The following MCM3 variants were observed in gnomAD, a reference collection of about 807,000 sequenced individuals.
MCM3 encodes the protein DNA replication licensing factor MCM3.
Under a neutral mutation model 91.3 loss-of-function variants are expected in MCM3, and 59 were observed. The observed-to-expected ratio is 0.65, with a 90% CI of 0.52 to 0.80. The LOEUF (loss-of-function observed/expected upper bound fraction) is 0.80, where lower values mean the gene tolerates loss of function less well. Among genes scored for constraint, MCM3 ranks in the 30% least tolerant of loss-of-function variants. The probability of loss-of-function intolerance (pLI) is 0.00; values close to 1 mark genes in which losing one functional copy is unlikely to be tolerated. For missense variants in MCM3, 919 were observed against 1,035.4 expected (o/e 0.89, Z 1.54); for synonymous variants, 383 against 379.6 (o/e 1.01, Z -0.10).
intron 4 of MCM3, among the ~76,000 whole-genome samples, chr6:52,281,818 T>C (rs1766123422): frequency 3.3e-5 from 5 of 152,198 alleles, no homozygotes; most frequent in Admixed American, 3.3e-4. Context: ...GCACTCCAAC[T>C]TAGGCAACAT....
chr6:52,282,610 C>A (rs1237143174), intron 3 of MCM3, 43 bp downstream of exon 3: 16 of 1,584,584 alleles, frequency 1.0e-5, no homozygotes, highest in Non-Finnish European at 1.4e-5. Flanking sequence ...TCCCCATCTC[C>A]CTGTCTATTC....
At position 52,269,239 on chromosome 6, in the gene MCM3, A is replaced by G; in HGVS notation, c.1828-13T>C. 1 of 1,600,344 alleles carries G rather than the reference A, an allele frequency of 6.2e-7. No individual in the cohort carries two copies. The highest frequency in any genetic ancestry group is 1.1e-5 in the South Asian group (1 of 90,330). The stretch of plus-strand genomic sequence containing the variant: ...TAACTGGAGATGTCTAGGGAAGAAA[A>G]GGGAGGATTGCTTATCCCAAGTCTT... On this transcript the variant is annotated splice_polypyrimidine_tract_variant and intron_variant, in intron 12 of 16. Coordinates refer to ENST00000596288, the MANE Select transcript of MCM3 (RefSeq NM_002388.6).
At chr6:52,272,657 G>GT (rs1294167083) in intron 11 of MCM3, among the ~76,000 whole-genome samples, 1 of 152,170 alleles carries the variant, frequency 6.6e-6, no homozygotes, top group East Asian at 1.9e-4. Flanking sequence ...GGTAGTTTAG[G>GT]CAGAAAGTTT....
intron 12 of MCM3, among the ~76,000 whole-genome samples, chr6:52,271,758 T>C (rs1262451344): frequency 2.0e-5 from 3 of 152,262 alleles, no homozygotes; most frequent in Admixed American, 1.3e-4. Flanking sequence ...TTAGTCATTT[T>C]TTCAAAGTCC....
rs752703712 is a variant in MCM3, at chr6:52,278,843, G to A, written c.778C>T (p.Leu260=). The stretch of plus-strand genomic sequence containing the variant: ...ATCTGCTTAACATTACAGGCAATCA[G>A]GACAGTCCTGGGACAAACAGAATAA... ...GYTSGTFRTV[L]IACNVKQMSK... The change falls in exon 6 of 17, where the codon CTG becomes TTG. Residue 260 remains leucine, a synonymous_variant. Coordinates refer to ENST00000596288, the MANE Select transcript of MCM3 (RefSeq NM_002388.6). 6.2e-6 allele frequency: 10 copies of A among 1,609,256 alleles called. No homozygotes were observed. The highest frequency in any genetic ancestry group is 8.5e-6 in the Non-Finnish European group (10 of 1,176,024).
At chr6:52,273,703 C>T (rs749322943) in intron 10 of MCM3, 39 bp downstream of exon 10, 2 of 1,572,642 alleles carry the variant, frequency 1.3e-6, no homozygotes, top group Non-Finnish European at 8.6e-7. Context: ...CTGTTTAGCG[C>T]CTTTCCATTA....
intron 1 of MCM3, among the ~76,000 whole-genome samples, chr6:52,283,840 A>G (rs1440572052): frequency 6.6e-6 from 1 of 152,242 alleles, no homozygotes; most frequent in African/African-American, 2.4e-5. Context: ...TTCACCATGT[A>G]TATCAAAACA....
rs764691556 is a variant in MCM3, at chr6:52,284,651, G to A, written c.24C>T (p.Asp8=). The change falls in exon 1 of 17, where the codon GAC becomes GAT. Residue 8 remains aspartate, a synonymous_variant. Transcript: ENST00000596288. ...TCTGAGCCTCCCGCAGCTCCACATC[G>A]TCCAGCACCACGGTACCCGCCATGC... MAGTVVL[D]DVELREAQRD... The A allele has an allele frequency of 3.1e-5, 49 of 1,601,988 alleles. 1 individual carries two copies. The highest frequency in any genetic ancestry group is 1.3e-5 in the Non-Finnish European group (15 of 1,175,432).
At position 52,269,222 on chromosome 6, in the gene MCM3, G is replaced by T; in HGVS notation, c.1832C>A (p.Ser611Tyr). The T allele has an allele frequency of 6.2e-7, 1 of 1,607,328 alleles. No homozygotes were observed. Among genetic ancestry groups the T allele is most frequent in the Non-Finnish European group, 8.5e-7 (1 of 1,174,490 alleles). The change falls in exon 13 of 17, where the codon TCT (serine) becomes TAT (tyrosine). Residue 611 changes from serine to tyrosine, a missense_variant. Ser to Tyr is a moderately radical substitution (Grantham distance 144). Transcript: ENST00000596288. ...TTCCAGTGTTCGGGCTGTAACTGGA[G>T]ATGTCTAGGGAAGAAAAGGGAGGAT... ...DSMSSDTART[S>Y]PVTARTLETL... is the part of the protein sequence containing the mutation.
At chr6:52,269,022 G>C in intron 13 of MCM3, 64 bp downstream of exon 13, 1 of 1,521,806 alleles carries the variant, frequency 6.6e-7, no homozygotes, top group Non-Finnish European at 8.9e-7. Flanking sequence ...CGGAAGGCTG[G>C]GAAGCCCATG....
At chr6:52,276,245 G>T in intron 9 of MCM3, 23 bp downstream of exon 9, 1 of 1,594,430 alleles carries the variant, frequency 6.3e-7, no homozygotes, top group Non-Finnish European at 8.6e-7. Flanking sequence ...TGAGGACAAT[G>T]GTTGGGGCCT....
Position 52,283,357 on chromosome 6 carries a change from T to C in MCM3, c.128A>G (p.Asn43Ser), listed in dbSNP as rs748860335. 12 of 1,614,084 alleles carry C rather than the reference T, an allele frequency of 7.4e-6. No individual in the cohort carries two copies. The highest frequency in any genetic ancestry group is 2.2e-5 in the South Asian group (2 of 91,086). ...QSKVRELISD[N>S]QYRLIVNVND... ...CACATTGACAATCAGCCGGTATTGG[T>C]TGTCACTGATCAGCTCCCGAACTTT... The change falls in exon 2 of 17, where the codon AAC (asparagine) becomes AGC (serine). Residue 43 changes from asparagine (N) to serine (S), a missense_variant. Asn to Ser is a conservative substitution (Grantham distance 46). Transcript: ENST00000596288.
rs757298953 is a variant in MCM3 at position 52,264,795 on chromosome 6, G to A, written c.2229-9C>T. 2 of 1,613,050 alleles carry A rather than the reference G, an allele frequency of 1.2e-6. No individual in the cohort carries two copies. The highest frequency in any genetic ancestry group is 2.7e-5 in the African/African-American group (2 of 74,870). On this transcript the variant is annotated splice_polypyrimidine_tract_variant and intron_variant, in intron 16 of 16. Transcript: ENST00000596288. ...CCTTGAATGCCTTCAACCTGCCCCA[G>A]ACAGAAGAAAGGGGGAAGAGGAGTA...
intron 6 of MCM3, among the ~76,000 whole-genome samples, chr6:52,278,144 C>T (rs914109730): frequency 2.8e-5 from 4 of 143,402 alleles, no homozygotes; most frequent in Admixed American, 6.9e-5. Flanking sequence ...TTCCTAACTG[C>T]AAAAAATTAT....
intron 7 of MCM3, 85 bp downstream of exon 7, chr6:52,277,450 T>A: frequency 7.2e-7 from 1 of 1,381,754 alleles, no homozygotes; most frequent in Non-Finnish European, 9.9e-7. Flanking sequence ...TACTGCTAAG[T>A]ACAGAATATA....
chr6:52,282,622 T>C, intron 3 of MCM3, 31 bp downstream of exon 3: 1 of 1,603,560 alleles, frequency 6.2e-7, no homozygotes, highest in Non-Finnish European at 8.5e-7. Context: ...TGTCTATTCA[T>C]TTCCTAAGCG....
At position 52,266,099 on chromosome 6, in the gene MCM3, T is replaced by C. The variant is rs576401931; in HGVS notation, c.2204A>G (p.Gln735Arg). The change falls in exon 16 of 17, where the codon CAG becomes CGG. Residue 735 changes from glutamine to arginine, a missense_variant. By Grantham distance (43) the Gln-to-Arg change is conservative. This residue lies in a region of MCM3 where 285 missense variants were observed against 311.4 expected (regional missense o/e 0.92). Transcript: ENST00000596288. The stretch of plus-strand genomic sequence containing the variant: ...CCTGGATTCACTCAACTCCACTTTC[T>C]GGGATTCCTTGGTCTCCTGTGAGTC... ...TADSQETKES[Q>R]KVELSESRLK... is the part of the protein sequence containing the mutation. 13 of 1,614,124 alleles carry C rather than the reference T, an allele frequency of 8.1e-6. No individual in the cohort carries two copies. The South Asian group carries it at 1.2e-4, about 15-fold the overall frequency.
intron 9 of MCM3, 117 bp from the exon 10 acceptor site, chr6:52,274,033 C>CA: frequency 1.4e-6 from 1 of 721,976 alleles, no homozygotes; most frequent in Non-Finnish European, 2.3e-6. Context: ...GCAAAACAGA[C>CA]AAAAAGCAGT....
intron 12 of MCM3, among the ~76,000 whole-genome samples, chr6:52,270,129 C>G (rs6942387): frequency 0.62 from 93,737 of 151,726 alleles, 29,139 homozygotes; most frequent in East Asian, 0.71. Flanking sequence ...CTTGAGACCA[C>G]CCTGACCAAC....
Sources: gnomAD v4.1 joint callset for allele counts (sites outside exome capture counted in the v4.1 genomes callset) on GRCh38, gnomAD v4.1.1 for gene constraint, gnomAD v4.1.1 regional missense constraint, MANE v1.5 for transcripts, NCBI Gene and HGNC (gene_info 2026-07-23, HGNC 2026-07-21) for gene names.